Variants in CYSLTR1 observed in about 807,000 individuals in gnomAD.
CYSLTR1 encodes the protein cysteinyl leukotriene receptor 1.
Under a neutral mutation model 2.1 loss-of-function variants are expected in CYSLTR1, and 1 was observed. The observed-to-expected ratio is 0.48, with a 90% CI of 0.17 to 2.28. The LOEUF (loss-of-function observed/expected upper bound fraction) is 2.28, where lower values mean the gene tolerates loss of function less well. Ranked by LOEUF, CYSLTR1 falls within the 30% of genes most tolerant of loss-of-function variation. CYSLTR1 has a pLI of 0.26. For synonymous variants in CYSLTR1, 110 were observed against 89.6 expected, an observed-to-expected ratio of 1.23 and a Z score of -1.28; for missense variants, 299 against 250.1, an observed-to-expected ratio of 1.20 and a Z score of -1.32.
In CYSLTR1 at chrX:78,272,956, G is replaced by A. The variant is rs528622685; in HGVS notation, c.791C>T (p.Thr264Ile). Residue 264 changes from threonine to isoleucine, a missense_variant, in exon 3 of 3, where the codon ACT (threonine) becomes ATT (isoleucine). Coordinates refer to ENST00000373304, the MANE Select transcript of CYSLTR1 (RefSeq NM_006639.4). The stretch of plus-strand genomic sequence containing the variant: ...TCTAAGGACAGAATCACAGGGTTTA[G>A]TTTCATTGTGTAAAAAATGAAGGTG... ...TIHLHFLHNE[T>I]KPCDSVLRMQ... 8 of 1,209,318 alleles carry A rather than the reference G, an allele frequency of 6.6e-6. No homozygotes were observed. The South Asian group carries it at 8.8e-5, about 13-fold the overall frequency.
chrX:78,322,252 G>A (rs1923695518), intron 1 of CYSLTR1, among the ~76,000 whole-genome samples: 1 of 111,974 alleles, frequency 8.9e-6, no homozygotes, highest in Non-Finnish European at 1.9e-5. Context: ...AGGGAGGTTA[G>A]GGACAATGCT....
chrX:78,306,800 G>GA (rs1337569027), intron 1 of CYSLTR1, among the ~76,000 whole-genome samples: 3 of 111,476 alleles, frequency 2.7e-5, no homozygotes, highest in Non-Finnish European at 5.6e-5. Context: ...GGAAAAAAAT[G>GA]AAAAATGTGT....
At chrX:78,291,333 T>C (rs1285384059) in intron 1 of CYSLTR1, among the ~76,000 whole-genome samples, 1 of 112,009 alleles carries the variant, frequency 8.9e-6, no homozygotes. Flanking sequence ...GATAAGCTTT[T>C]TGATGTGCTG....
chrX:78,300,179 G>C (rs934053440), intron 1 of CYSLTR1, among the ~76,000 whole-genome samples: 2 of 112,022 alleles, frequency 1.8e-5, no homozygotes, highest in African/African-American at 6.5e-5. Context: ...TTACCTGATA[G>C]AATTCTGAAT....
intron 1 of CYSLTR1, among the ~76,000 whole-genome samples, chrX:78,314,171 G>T (rs1347873451): frequency 9.0e-6 from 1 of 111,525 alleles, no homozygotes; most frequent in African/African-American, 3.3e-5. Flanking sequence ...TAAATAAAGG[G>T]TTAGAAAGGT....
At chrX:78,285,814 G>T (rs1284534651) in intron 1 of CYSLTR1, among the ~76,000 whole-genome samples, 1 of 111,738 alleles carries the variant, frequency 8.9e-6, no homozygotes, top group Non-Finnish European at 1.9e-5. Context: ...TTCACTCCTT[G>T]CTTCTCTTTC....
At position 78,277,091 on chromosome X, in the gene CYSLTR1, T is replaced by G. The variant is rs182795668; in HGVS notation, c.-27-3318A>C. 5.4e-5 allele frequency among the ~76,000 whole-genome samples: 6 copies of G among 110,781 alleles called. No homozygotes were observed. The East Asian group carries it at 1.7e-3, about 32-fold the overall frequency. ...AATCCAGCCTTCACAGAGCCCAGAG[T>G]ATTTGGCACCAGAATGACTATAGTG... On this transcript the variant is annotated intron_variant, in intron 2 of 2. Coordinates refer to ENST00000373304, the MANE Select transcript of CYSLTR1 (RefSeq NM_006639.4).
chrX:78,320,358 A>C (rs1158657326), intron 1 of CYSLTR1: 5 of 112,005 alleles, frequency 4.5e-5, no homozygotes, highest in South Asian at 3.7e-4. Context: ...ACCATTTATT[A>C]AATAGGGAAT....
At chrX:78,318,887 T>C (rs1220421935) in intron 1 of CYSLTR1, 2 of 109,370 alleles carry the variant, frequency 1.8e-5, no homozygotes, top group African/African-American at 6.7e-5. Context: ...TGTTTCTTTT[T>C]TTTTTTTTTA....
At chrX:78,278,377 A>G (rs1921691354) in intron 2 of CYSLTR1, among the ~76,000 whole-genome samples, 1 of 112,026 alleles carries the variant, frequency 8.9e-6, no homozygotes, top group East Asian at 2.8e-4. Context: ...CAATAGCCAC[A>G]ACAAGAGTAA....
intron 1 of CYSLTR1, among the ~76,000 whole-genome samples, chrX:78,304,782 C>T (rs1922964848): frequency 9.0e-6 from 1 of 111,504 alleles, no homozygotes; most frequent in Non-Finnish European, 1.9e-5. Flanking sequence ...ATCTTCAAAA[C>T]TCAGACCTTA....
At chrX:78,298,345 C>T (rs976674379) in intron 1 of CYSLTR1, among the ~76,000 whole-genome samples, 2 of 111,625 alleles carry the variant, frequency 1.8e-5, no homozygotes, top group Non-Finnish European at 3.8e-5. Flanking sequence ...AATGTGTATT[C>T]TGCAGCTCTT....
At chrX:78,295,370 C>CTT (rs36092711) in intron 1 of CYSLTR1, among the ~76,000 whole-genome samples, 2 of 86,587 alleles carry the variant, frequency 2.3e-5, no homozygotes, top group Non-Finnish European at 2.3e-5. Flanking sequence ...TCCTGATTTC[C>CTT]TTTTTTTTTT....
chrX:78,315,153 A>C (rs1177069297), intron 1 of CYSLTR1, among the ~76,000 whole-genome samples: 1 of 108,087 alleles, frequency 9.3e-6, no homozygotes, highest in Non-Finnish European at 1.9e-5. Context: ...TGACATTTCT[A>C]GACATACTCT....
chrX:78,315,121 T>G (rs1224128856), intron 1 of CYSLTR1, among the ~76,000 whole-genome samples: 1 of 107,085 alleles, frequency 9.3e-6, no homozygotes, highest in Non-Finnish European at 1.9e-5. Context: ...TGAGGCCCCC[T>G]TTCCAGGCCC....
Position 78,301,387 on chromosome X carries a change from C to T in CYSLTR1, c.-114-17847G>A, listed in dbSNP as rs184264766. Among the ~76,000 whole-genome samples the T allele has an allele frequency of 5.3e-5, 6 of 112,216 alleles. No homozygotes were observed. In the East Asian group the frequency reaches 1.7e-3, roughly 31 times the overall value. On this transcript the variant is annotated intron_variant, in intron 1 of 2. Coordinates refer to ENST00000373304, the MANE Select transcript of CYSLTR1 (RefSeq NM_006639.4). ...AAAACTGAATGCTTTTAACAGCACC[C>T]AAGTAACTTCTTGAATGCTTTGCTG...
chrX:78,285,696 T>C (rs1051995233), intron 1 of CYSLTR1, among the ~76,000 whole-genome samples: 1 of 112,216 alleles, frequency 8.9e-6, no homozygotes, highest in East Asian at 2.8e-4. Flanking sequence ...AGCGAGTAAA[T>C]GTCACATTGT....
At chrX:78,277,151 G>A (rs1030519292) in intron 2 of CYSLTR1, among the ~76,000 whole-genome samples, 17 of 111,114 alleles carry the variant, frequency 1.5e-4, no homozygotes, top group Admixed American at 1.1e-3. Flanking sequence ...CCCAAGGATC[G>A]CCATACTCCT....
In CYSLTR1 at chrX:78,272,512, T is replaced by C. The variant is rs986009650; in HGVS notation, c.*221A>G. ...TCCAAATTCTGGTGAGTGGTCAAAA[T>C]TATTTATAATTCAGTTCATAGTTGT... On this transcript the variant is annotated 3_prime_UTR_variant, in exon 3 of 3. Coordinates refer to ENST00000373304, the MANE Select transcript of CYSLTR1 (RefSeq NM_006639.4). 1.1e-5 allele frequency: 3 copies of C among 271,495 alleles called. No homozygotes were observed. The East Asian group carries it at 1.7e-4, about 16-fold the overall frequency. 22.4% of individuals were successfully genotyped at this position (271,495 alleles called of 1,213,427 possible). A position where few individuals can be genotyped will look rare whatever the true frequency, so the allele number is the denominator to read the frequency against.
Sources: gnomAD v4.1 joint callset for allele counts (sites outside exome capture counted in the v4.1 genomes callset) on GRCh38, gnomAD v4.1.1 for gene constraint, MANE v1.5 for transcripts, NCBI Gene and HGNC (gene_info 2026-07-23, HGNC 2026-07-21) for gene names.